The following ZNF219 variants were observed in gnomAD, a reference collection of about 807,000 sequenced individuals.
The protein encoded by ZNF219 is zinc finger protein 219.
Under a neutral mutation model 54.4 loss-of-function variants are expected in ZNF219, and 17 were observed. That is an observed-to-expected ratio of 0.31 (90% CI 0.21 to 0.47). The LOEUF is 0.47. Among genes scored for constraint, ZNF219 ranks in the 20% least tolerant of loss-of-function variants. The pLI is 1.00. For missense variants in ZNF219, 1,014 were observed against 1,062.3 expected, an observed-to-expected ratio of 0.95 and a Z score of 0.63; for synonymous variants, 518 against 476.4, an observed-to-expected ratio of 1.09 and a Z score of -1.14.
Position 21,092,160 on chromosome 14 carries a change from C to T in ZNF219, c.1137G>A (p.Leu379=), listed in dbSNP as rs753093522. The part of the protein sequence containing the change: ...PAERREPPSL[L]GYLSLRAGEG... ...CGCCAGCTCGCAGGCTCAGGTAGCCCAAGAGGCTCGGGGGCTCACGGCGCT... is the reference window on the plus strand; with the variant it reads ...CGCCAGCTCGCAGGCTCAGGTAGCCTAAGAGGCTCGGGGGCTCACGGCGCT... Residue 379 remains leucine, a synonymous_variant, in exon 3 of 5, where the codon TTG becomes TTA. Coordinates refer to ENST00000360947, the MANE Select transcript of ZNF219 (RefSeq NM_016423.3). 4.8e-6 allele frequency: 7 copies of T among 1,464,498 alleles called. No homozygotes were observed. The highest frequency in any genetic ancestry group is 6.3e-6 in the Non-Finnish European group (7 of 1,113,462). 90.7% of individuals were successfully genotyped at this position (1,464,498 alleles called of 1,614,324 possible).
At chr14:21,098,705 G>T, upstream of ZNF219, 1 of 1,085,304 alleles carries the variant, frequency 9.2e-7, no homozygotes, top group South Asian at 1.7e-5. Flanking sequence ...GGGGTGGGGC[G>T]CACAGAGGAT....
rs1234327312 is a variant in ZNF219, at chr14:21,093,267, G to A, written c.30C>T (p.Ser10=). MEGSRPRAP[S]GHLAPSPPAF... ...CCGGCGGCGACGGCGCTAAGTGGCC[G>A]CTCGGGGCGCGGGGACGTGAGCCCT... Residue 10 remains serine (S), a synonymous_variant, in exon 3 of 5, where the codon AGC becomes AGT. Coordinates refer to ENST00000360947, the MANE Select transcript of ZNF219 (RefSeq NM_016423.3). The A allele has an allele frequency of 3.1e-6, 5 of 1,591,634 alleles. No individual in the cohort carries two copies. The highest frequency in any genetic ancestry group is 4.3e-6 in the Non-Finnish European group (5 of 1,176,106).
At chr14:21,102,130 A>G, upstream of ZNF219, 2 of 1,549,824 alleles carry the variant, frequency 1.3e-6, no homozygotes, top group Non-Finnish European at 1.7e-6. Flanking sequence ...GGTGAGAGGG[A>G]AGAAAACGCA....
upstream of ZNF219, chr14:21,099,017 A>C: frequency 3.0e-6 from 1 of 333,736 alleles, no homozygotes; most frequent in South Asian, 2.7e-5. Flanking sequence ...TTCTTGATAA[A>C]CAATTCCTGC....
chr14:21,098,913 T>C (rs191453915), upstream of ZNF219: 10 of 1,245,124 alleles, frequency 8.0e-6, 1 homozygote, highest in Admixed American at 2.2e-4. Flanking sequence ...ACAATTTCTG[T>C]CTCTCTTTTG....
intron 3 of ZNF219, 61 bp downstream of exon 3, chr14:21,091,804 T>A (rs1331337438): frequency 1.5e-5 from 22 of 1,473,870 alleles, no homozygotes; most frequent in Non-Finnish European, 1.8e-5. Context: ...TACGAGGGAG[T>A]GGCGGCGTAA....
rs1485783151 is a variant in ZNF219, at chr14:21,090,948, G to A, written c.1757C>T (p.Thr586Ile). 1 of 1,548,880 alleles carries A rather than the reference G, an allele frequency of 6.5e-7. No homozygotes were observed. Among genetic ancestry groups the A allele is most frequent in the Non-Finnish European group, 8.7e-7 (1 of 1,152,758 alleles). ...GGGACTTGAGGCGCCCTCCACCCAGGTCGCAGGCTGCGGAGACGGCTTGGC... is the reference window on the plus strand; with the variant it reads ...GGGACTTGAGGCGCCCTCCACCCAGATCGCAGGCTGCGGAGACGGCTTGGC... ...SGAKPSPQPA[T>I]WVEGASSPRP... Residue 586 changes from threonine to isoleucine, a missense_variant, in exon 5 of 5, where the codon ACC becomes ATC. Around this residue, in one of 5 missense-constraint regions of ZNF219, gnomAD observed 281 missense variants for 271.2 expected, o/e 1.04. Coordinates refer to ENST00000360947, the MANE Select transcript of ZNF219 (RefSeq NM_016423.3). This position sits in a 1 kb window ranked among gnomAD's most constrained non-coding sequence, Gnocchi z 4.4.
At chr14:21,102,427 A>G, upstream of ZNF219, 2 of 1,551,580 alleles carry the variant, frequency 1.3e-6, no homozygotes, top group Non-Finnish European at 1.7e-6. Flanking sequence ...ATGATATTCA[A>G]CACCTTCAAC....
At chr14:21,097,204 T>C (rs1458788476) in intron 1 of ZNF219, 1 of 152,404 alleles carries the variant, frequency 6.6e-6, no homozygotes, top group African/African-American at 2.4e-5. Flanking sequence ...ACCAGCCTTT[T>C]TAGACTGAGA....
intron 4 of ZNF219, 64 bp downstream of exon 4, chr14:21,091,347 C>A: frequency 6.4e-7 from 1 of 1,552,270 alleles, no homozygotes; most frequent in Non-Finnish European, 8.8e-7. Flanking sequence ...CCTAGTGTTT[C>A]GGTAGCCCTC....
At chr14:21,099,174 C>A (rs12889457), upstream of ZNF219, 106,663 of 189,354 alleles carry the variant, frequency 0.56, 34,337 homozygotes, top group Non-Finnish European at 0.71. Flanking sequence ...TCCTTCCAGG[C>A]GATTGTAGTC....
intron 1 of ZNF219, among the ~76,000 whole-genome samples, chr14:21,094,841 T>C (rs1267105082): frequency 2.0e-5 from 3 of 148,334 alleles, no homozygotes; most frequent in East Asian, 4.0e-4. Flanking sequence ...CCAGAAGTCA[T>C]CTAGTCTACC....
At chr14:21,091,746 C>G (rs1888893938) in intron 3 of ZNF219, 119 bp downstream of exon 3, 1 of 1,448,380 alleles carries the variant, frequency 6.9e-7, no homozygotes. Flanking sequence ...CAAAACAAAA[C>G]AAAAAAACTC....
chr14:21,091,158 G>A lies in ZNF219; in HGVS notation c.1565-18C>T. 3 of 1,593,500 alleles carry A rather than the reference G, an allele frequency of 1.9e-6. No homozygotes were observed. Among genetic ancestry groups the A allele is most frequent in the East Asian group, 2.2e-5 (1 of 44,504 alleles). ...CCGCTCGCCTGGGGAGAGTGGGTGC[G>A]ATAGGGTCACGGGGTCACGATGACT... On this transcript the variant is annotated intron_variant, in intron 4 of 4. Transcript: ENST00000360947.
chr14:21,101,220 A>G (rs1019547627), upstream of ZNF219: 13 of 851,752 alleles, frequency 1.5e-5, no homozygotes, highest in African/African-American at 2.0e-4. Context: ...ATCCCTGGAT[A>G]TTGGGAGTGG....
upstream of ZNF219, chr14:21,103,005 T>G: frequency 6.8e-7 from 1 of 1,461,014 alleles, no homozygotes; most frequent in Non-Finnish European, 9.3e-7. Context: ...GGGAAAGCAT[T>G]AGGAAGCTGC....
intron 1 of ZNF219, 21 bp downstream of exon 1, chr14:21,098,291 G>T (rs1889409895): frequency 1.3e-5 from 2 of 150,994 alleles, no homozygotes; most frequent in Admixed American, 1.4e-4. Context: ...GGGCCCGGGA[G>T]TCGGGGGAGC....
Position 21,090,565 on chromosome 14 carries a change from C to T in ZNF219, c.2140G>A (p.Glu714Lys). 6.2e-7 allele frequency: 1 copy of T among 1,604,082 alleles called. No homozygotes were observed. The highest frequency in any genetic ancestry group is 1.1e-5 in the South Asian group (1 of 90,766). ...CGTTCTTGCCCCCCCAGCCCTGCCT[C>T]TCCGGGTCTGGACAGCCCGGAGCCC... ...EEGSGLSRPG[E>K]AGLGGQER is the part of the protein sequence containing the mutation. The change falls in exon 5 of 5, where the codon GAG becomes AAG. Residue 714 changes from glutamate to lysine, a missense_variant. By Grantham distance (56) the Glu-to-Lys change is moderately conservative. Around this residue, in one of 5 missense-constraint regions of ZNF219, gnomAD observed 281 missense variants for 271.2 expected, o/e 1.04. Coordinates refer to ENST00000360947, the MANE Select transcript of ZNF219 (RefSeq NM_016423.3). The surrounding 1 kb of genome is among the most constrained non-coding windows in gnomAD (Gnocchi z 4.4).
At chr14:21,098,891 A>G, upstream of ZNF219, 1 of 1,275,794 alleles carries the variant, frequency 7.8e-7, no homozygotes, top group Non-Finnish European at 1.0e-6. Flanking sequence ...TTTATCTCAA[A>G]GCCTCTCCCT....
Sources: gnomAD v4.1 joint callset for allele counts (sites outside exome capture counted in the v4.1 genomes callset) on GRCh38, gnomAD v4.1.1 for gene constraint, gnomAD v4.1.1 regional missense constraint, Gnocchi (gnomAD v3.1) non-coding constraint, MANE v1.5 for transcripts, NCBI Gene and HGNC (gene_info 2026-07-23, HGNC 2026-07-21) for gene names.